Variants in MARF1 observed in about 807,000 individuals in gnomAD.
MARF1 encodes the protein meiosis regulator and mRNA stability factor 1, also known as limkain-b1.
Under a neutral mutation model 168.2 loss-of-function variants are expected in MARF1, and 24 were observed. That is an observed-to-expected ratio of 0.14 (90% confidence interval 0.10 to 0.20). The LOEUF (loss-of-function observed/expected upper bound fraction) is 0.20. MARF1 is among the 10% of genes least tolerant of loss of function. The probability of loss-of-function intolerance (pLI) is 1.00; values close to 1 mark genes in which losing one functional copy is unlikely to be tolerated. For synonymous variants in MARF1, 868 were observed against 822.4 expected, an observed-to-expected ratio of 1.06 and a Z score of -0.95; for missense variants, 1,744 against 2,143.6, an observed-to-expected ratio of 0.81 and a Z score of 3.68.
intron 18 of MARF1, 116 bp from the exon 19 acceptor site, chr16:15,611,224 C>A (rs543435788): frequency 1.1e-6 from 1 of 938,880 alleles, no homozygotes; most frequent in Non-Finnish European, 1.6e-6. Flanking sequence ...TTTGGGAGGC[C>A]GAGGTGGACG....
At chr16:15,610,120 CTTTT>C (rs2033390699) in intron 19 of MARF1, among the ~76,000 whole-genome samples, 1 of 152,262 alleles carries the variant, frequency 6.6e-6, no homozygotes, top group African/African-American at 2.4e-5. Flanking sequence ...AATATCCCCA[CTTTT>C]TTTGTTTATT....
intron 5 of MARF1, among the ~76,000 whole-genome samples, chr16:15,633,018 C>A (rs1415436996): frequency 7.2e-5 from 11 of 151,970 alleles, no homozygotes; most frequent in Non-Finnish European, 4.4e-5. Context: ...CAGTATAGAA[C>A]TAAAATATAA....
At position 15,596,921 on chromosome 16, in the gene MARF1, G is replaced by T; in HGVS notation, c.5001C>A (p.Asn1667Lys). Residue 1667 changes from asparagine to lysine, a missense_variant, in exon 27 of 27, where the codon AAC (asparagine) becomes AAA (lysine). Transcript: ENST00000396368. ...PQEPSEIMIL[N>K]QEEKMEIPIP... The stretch of plus-strand genomic sequence containing the variant: ...TTGGAATCTCCATTTTTTCTTCTTG[G>T]TTTAAAATCATAATTTCTGTAAACA... The T allele has an allele frequency of 6.2e-7, 1 of 1,603,746 alleles. No homozygotes were observed. Among genetic ancestry groups the T allele is most frequent in the Middle Eastern group, 1.8e-4 (1 of 5,698 alleles).
chr16:15,627,558 C>A (rs2151235112), intron 7 of MARF1, among the ~76,000 whole-genome samples: 1 of 152,272 alleles, frequency 6.6e-6, no homozygotes, highest in Middle Eastern at 3.4e-3. Context: ...GTGGAGTCTG[C>A]AGTAAGCGGA....
At chr16:15,621,680 T>G in intron 12 of MARF1, 53 bp downstream of exon 12, 1 of 1,526,770 alleles carries the variant, frequency 6.5e-7, no homozygotes, top group Non-Finnish European at 8.9e-7. Context: ...TTTCTAAAAT[T>G]GTTTCTGGGT....
At position 15,615,874 on chromosome 16, in the gene MARF1, T is replaced by C; in HGVS notation, c.3209A>G (p.Lys1070Arg). The change falls in exon 16 of 27, where the codon AAA becomes AGA. Residue 1070 changes from lysine to arginine, a missense_variant. Lys to Arg is a conservative substitution (Grantham distance 26, BLOSUM62 2). Transcript: ENST00000396368. ...VNIATAQNGI[K>R]VVKWIHNKPP... is the part of the protein sequence containing the mutation. ...CTTGTTGTGAATCCATTTAACCACTTTGATGCCATTCTGAGCAGTGGCAAT... is the reference window on the plus strand; with the variant it reads ...CTTGTTGTGAATCCATTTAACCACTCTGATGCCATTCTGAGCAGTGGCAAT... The C allele has an allele frequency of 6.3e-7, 1 of 1,591,116 alleles. No individual in the cohort carries two copies. The highest frequency in any genetic ancestry group is 1.1e-5 in the South Asian group (1 of 87,760).
chr16:15,605,723 C>G (rs74507977), intron 21 of MARF1: 15 of 152,234 alleles, frequency 9.9e-5, no homozygotes, highest in African/African-American at 2.9e-4. Flanking sequence ...CTATAAGAAT[C>G]TGAAAGGTAA....
chr16:15,601,959 A>G (rs994707329), intron 23 of MARF1, 32 bp downstream of exon 23: 4 of 1,571,704 alleles, frequency 2.5e-6, no homozygotes, highest in Non-Finnish European at 3.5e-6. Context: ...TGTTCAGAAG[A>G]TGCTCTCCCG....
chr16:15,634,077 T>C (rs1367880399), intron 4 of MARF1, among the ~76,000 whole-genome samples: 2 of 152,152 alleles, frequency 1.3e-5, no homozygotes, highest in Admixed American at 1.3e-4. Flanking sequence ...AAAAGTCAAG[T>C]AACTTTAAGC....
intron 13 of MARF1, among the ~76,000 whole-genome samples, chr16:15,618,571 C>G (rs763525499): frequency 6.6e-6 from 1 of 152,180 alleles, no homozygotes; most frequent in African/African-American, 2.4e-5. Flanking sequence ...TGGATCCCCC[C>G]ATTCCTGATG....
chr16:15,603,868 G>A (rs1429461702), intron 22 of MARF1, among the ~76,000 whole-genome samples: 5 of 152,034 alleles, frequency 3.3e-5, no homozygotes, highest in African/African-American at 4.8e-5. Flanking sequence ...AAACAGTAGC[G>A]AAATCCATCC....
chr16:15,629,132 A>G (rs1303395034), intron 7 of MARF1, among the ~76,000 whole-genome samples: 1 of 151,980 alleles, frequency 6.6e-6, no homozygotes, highest in Admixed American at 6.6e-5. Flanking sequence ...CCTCCCAGGA[A>G]AAAACACCGT....
intron 23 of MARF1, chr16:15,600,905 T>C: frequency 1.4e-6 from 1 of 706,450 alleles, no homozygotes; most frequent in Admixed American, 2.0e-5. Context: ...AAAAGCAGAG[T>C]AGTTCAAAAA....
At chr16:15,602,623 A>AAGGAAAGAAGGAGGGAGGCAGAG (rs71293163) in intron 22 of MARF1, 404,664 of 455,288 alleles carry the variant, frequency 0.89, 180,060 homozygotes, top group Non-Finnish European at 0.89. Flanking sequence ...GAGGAGGAGG[A>AAGGAAAGAAGGAGGGAGGCAGAG]AGGAAAGAAG....
At chr16:15,630,974 T>C (rs2035211783) in intron 6 of MARF1, among the ~76,000 whole-genome samples, 1 of 151,824 alleles carries the variant, frequency 6.6e-6, no homozygotes, top group Admixed American at 6.6e-5. Flanking sequence ...CTACTAAAAA[T>C]ACAAAATTAG....
chr16:15,612,795 T>G lies in MARF1; in HGVS notation c.3254-18A>C, dbSNP rs1285825295. On this transcript the variant is annotated intron_variant, in intron 16 of 26. Coordinates refer to ENST00000396368, the MANE Select transcript of MARF1 (RefSeq NM_014647.4). ...CCAAGGGTCTAGAAGAAAAAGAACGTGTATAAGACAGAAAGCACAGATTTC... is the reference window on the plus strand; with the variant it reads ...CCAAGGGTCTAGAAGAAAAAGAACGGGTATAAGACAGAAAGCACAGATTTC... 4 of 1,600,076 alleles carry G rather than the reference T, an allele frequency of 2.5e-6. No individual in the cohort carries two copies. The highest frequency in any genetic ancestry group is 3.4e-6 in the Non-Finnish European group (4 of 1,167,896).
rs769028569 is a variant in MARF1 at position 15,625,061 on chromosome 16, G to A, written c.2066C>T (p.Pro689Leu). 1.4e-5 allele frequency: 22 copies of A among 1,613,990 alleles called. No homozygotes were observed. Among genetic ancestry groups the A allele is most frequent in the East Asian group, 4.5e-5 (2 of 44,900 alleles). Residue 689 changes from proline to leucine, a missense_variant, in exon 9 of 27, where the codon CCG (proline) becomes CTG (leucine). Physicochemically the swap from Pro to Leu is moderately conservative, Grantham distance 98. Transcript: ENST00000396368. ...GGGTTCTGCCACCCCCGAGTTTTTCGGCGTCGACACTGCAGCACTTGAGTT... is the reference window on the plus strand; with the variant it reads ...GGGTTCTGCCACCCCCGAGTTTTTCAGCGTCGACACTGCAGCACTTGAGTT... ...HGNSSAAVST[P>L]KNSGVAEPVY... is the part of the protein sequence containing the mutation.
intron 2 of MARF1, among the ~76,000 whole-genome samples, chr16:15,638,723 T>C (rs1203907505): frequency 6.6e-6 from 1 of 152,200 alleles, no homozygotes; most frequent in African/African-American, 2.4e-5. Flanking sequence ...CAACCCTTCC[T>C]AGATTATAGA....
chr16:15,635,412 G>C (rs2035520920), intron 3 of MARF1: 10 of 512,332 alleles, frequency 2.0e-5, no homozygotes, highest in East Asian at 3.1e-5. Context: ...CCAACCTCTT[G>C]TTTGCAACAA....
Sources: allele counts gnomAD v4.1 joint callset (sites outside exome capture counted in the v4.1 genomes callset), GRCh38; gene constraint gnomAD v4.1.1; transcripts MANE v1.5; gene names NCBI Gene and HGNC (gene_info 2026-07-23, HGNC 2026-07-21).